Variants in PCDH11X observed in about 807,000 individuals in gnomAD.
PCDH11X encodes protocadherin 11 X-linked.
A neutral mutation model predicts 53.3 loss-of-function variants in PCDH11X; 18 were observed. That is an observed-to-expected ratio of 0.34 (90% CI 0.23 to 0.50). The LOEUF is 0.50. Among genes scored for constraint, PCDH11X ranks in the 20% least tolerant of loss-of-function variants. PCDH11X has a pLI of 0.98. For synonymous variants in PCDH11X, 279 were observed against 393.3 expected, an observed-to-expected ratio of 0.71 and a Z score of 3.44; for missense variants, 570 against 1,032.4, an observed-to-expected ratio of 0.55 and a Z score of 6.14.
chrX:91,901,665 C>A (rs1952762596), intron 6 of PCDH11X, among the ~76,000 whole-genome samples: 1 of 111,269 alleles, frequency 9.0e-6, no homozygotes, highest in African/African-American at 3.3e-5. Flanking sequence ...ACTCTATGAT[C>A]TTTGAAATTA....
At chrX:92,089,657 G>A (rs2064016566) in intron 6 of PCDH11X, among the ~76,000 whole-genome samples, 1 of 104,702 alleles carries the variant, frequency 9.6e-6, no homozygotes, top group Admixed American at 1.1e-4. Flanking sequence ...CAAGTAGCTG[G>A]GATTACAGGC....
chrX:91,858,701 G>C, intron 5 of PCDH11X, among the ~76,000 whole-genome samples: 1 of 107,001 alleles, frequency 9.3e-6, no homozygotes, highest in East Asian at 3.0e-4. Flanking sequence ...AATGCCACCA[G>C]TCTCTTCACT....
At chrX:92,420,006 C>T (rs890689370) in intron 9 of PCDH11X, among the ~76,000 whole-genome samples, 1 of 111,064 alleles carries the variant, frequency 9.0e-6, no homozygotes, top group Non-Finnish European at 1.9e-5. Flanking sequence ...CTTTTGAATT[C>T]TTTGGATTTG....
chrX:92,218,134 G>T (rs2148348696), intron 7 of PCDH11X, among the ~76,000 whole-genome samples: 1 of 111,355 alleles, frequency 9.0e-6, no homozygotes, highest in East Asian at 2.8e-4. Flanking sequence ...ACAGTTAAAA[G>T]AACTGGAAAA....
intron 6 of PCDH11X, among the ~76,000 whole-genome samples, chrX:91,934,390 C>T (rs2061421542): frequency 9.0e-6 from 1 of 111,425 alleles, no homozygotes. Flanking sequence ...TTTTTCCCCC[C>T]TGAACATAAT....
rs2072999232 is a variant in PCDH11X, at chrX:92,459,920, G to A, written c.3344-8379G>A. On this transcript the variant is annotated intron_variant, in intron 9 of 10. Coordinates refer to ENST00000682573, the MANE Select transcript of PCDH11X (RefSeq NM_032968.5). ...ATCCAGAACAAGAAGACCATGCAAA[G>A]CCTGAACGACCGCCTGGCCTCTTAC... The A allele has an allele frequency of 3.4e-6, 4 of 1,182,239 alleles. No individual in the cohort carries two copies. The South Asian group carries it at 5.3e-5, about 16-fold the overall frequency.
chrX:91,929,109 A>T (rs1942039520), intron 6 of PCDH11X, among the ~76,000 whole-genome samples: 2 of 111,512 alleles, frequency 1.8e-5, no homozygotes, highest in African/African-American at 6.5e-5. Flanking sequence ...TTTATGAATT[A>T]TAAAATGAAG....
intron 8 of PCDH11X, among the ~76,000 whole-genome samples, chrX:92,352,559 C>T (rs775582371): frequency 4.5e-5 from 5 of 110,536 alleles, no homozygotes; most frequent in South Asian, 7.7e-4. Context: ...TGTTAAGGAA[C>T]CTTGTTTCTT....
intron 6 of PCDH11X, among the ~76,000 whole-genome samples, chrX:91,882,420 A>G (rs2147742831): frequency 9.0e-6 from 1 of 110,627 alleles, no homozygotes; most frequent in Non-Finnish European, 1.9e-5. Flanking sequence ...TGCCAAAACC[A>G]AGTCTTGCTT....
At chrX:92,333,808 GAC>G (rs1194728880) in intron 8 of PCDH11X, among the ~76,000 whole-genome samples, 3 of 109,124 alleles carry the variant, frequency 2.7e-5, no homozygotes, top group Non-Finnish European at 3.8e-5. Context: ...CATCTTCAAT[GAC>G]AGAAAAACCA....
chrX:91,795,822 G>T (rs985633117), intron 1 of PCDH11X, among the ~76,000 whole-genome samples: 6 of 111,395 alleles, frequency 5.4e-5, no homozygotes, highest in African/African-American at 2.0e-4. Context: ...TTAGTGGCAG[G>T]TCCCTATGAC....
chrX:92,568,763 A>C (rs1275216010), intron 10 of PCDH11X, among the ~76,000 whole-genome samples: 1 of 111,142 alleles, frequency 9.0e-6, no homozygotes, highest in Non-Finnish European at 1.9e-5. Flanking sequence ...AAATTATAAT[A>C]AAACTGAGAA....
intron 10 of PCDH11X, among the ~76,000 whole-genome samples, chrX:92,574,789 C>G (rs1444004323): frequency 9.0e-6 from 1 of 110,789 alleles, no homozygotes; most frequent in African/African-American, 3.3e-5. Context: ...TTGTTTTTGA[C>G]AGGTAGTCAA....
rs945046173 is a variant in PCDH11X, at chrX:92,113,771, G to C, written c.3034-87604G>C. 20 of 1,195,843 alleles carry C rather than the reference G, an allele frequency of 1.7e-5. No homozygotes were observed. In the East Asian group the frequency reaches 5.9e-4, roughly 35 times the overall value. The stretch of plus-strand genomic sequence containing the variant: ...TCCTTCTTGACAAGAATCCGAATGG[G>C]GTCCCTCATGAACTTCTTGATCACC... On this transcript the variant is annotated intron_variant, in intron 6 of 10. Coordinates refer to ENST00000682573, the MANE Select transcript of PCDH11X (RefSeq NM_032968.5).
At chrX:92,575,166 C>T (rs184485958) in intron 10 of PCDH11X, among the ~76,000 whole-genome samples, 12 of 109,883 alleles carry the variant, frequency 1.1e-4, no homozygotes, top group Non-Finnish European at 2.1e-4. Context: ...TATGCATGTA[C>T]GTGTAAGATA....
rs187597345 is a variant in PCDH11X, at chrX:92,266,605, A to G, written c.3144+3462A>G. 8.6e-4 allele frequency among the ~76,000 whole-genome samples: 96 copies of G among 112,165 alleles called. No homozygotes were observed. The East Asian group carries it at 0.022, about 26-fold the overall frequency. On this transcript the variant is annotated intron_variant, in intron 8 of 10. Transcript: ENST00000682573. ...TAAGCTAGTGGCATTCACAGCAGAA[A>G]AGAAGCAAATGCCACATGTCATAGT...
intron 6 of PCDH11X, among the ~76,000 whole-genome samples, chrX:91,972,268 G>A (rs1354499486): frequency 1.8e-4 from 18 of 98,771 alleles, no homozygotes; most frequent in Non-Finnish European, 1.2e-4. Context: ...GTCTGTTCAT[G>A]TCCTTCGCCC....
chrX:92,265,819 G>A (rs747622284), intron 8 of PCDH11X, among the ~76,000 whole-genome samples: 11 of 111,839 alleles, frequency 9.8e-5, no homozygotes, highest in East Asian at 8.4e-4. Flanking sequence ...ACTTGGAATC[G>A]TAAAACAAAT....
intron 7 of PCDH11X, among the ~76,000 whole-genome samples, chrX:92,255,746 G>T (rs1037144038): frequency 8.0e-5 from 9 of 112,379 alleles, no homozygotes; most frequent in African/African-American, 2.9e-4. Context: ...TCCCAGTTAG[G>T]CTGGTCAGGG....
Sources: gnomAD v4.1 joint callset for allele counts (sites outside exome capture counted in the v4.1 genomes callset) on GRCh38, gnomAD v4.1.1 for gene constraint, MANE v1.5 for transcripts, NCBI Gene and HGNC (gene_info 2026-07-23, HGNC 2026-07-21) for gene names.